Variants in HUNK observed in about 807,000 individuals in gnomAD.
HUNK encodes the protein hormonally up-regulated neu tumor-associated kinase.
HUNK carries 21 observed loss-of-function variants against 61.0 expected under a neutral mutation model. The observed-to-expected ratio is 0.34, with a 90% CI of 0.24 to 0.50. The LOEUF (loss-of-function observed/expected upper bound fraction) is 0.50, where lower values mean the gene tolerates loss of function less well. Ranked by LOEUF, HUNK falls within the 20% of genes least tolerant of loss-of-function variation. The pLI is 0.98. For synonymous variants in HUNK, 371 were observed against 386.1 expected (o/e 0.96, Z 0.46); for missense variants, 772 against 945.7 (o/e 0.82, Z 2.41).
At chr21:31,921,756 G>T (rs932837669) in intron 1 of HUNK, among the ~76,000 whole-genome samples, 1 of 152,124 alleles carries the variant, frequency 6.6e-6, no homozygotes, top group African/African-American at 2.4e-5. Flanking sequence ...TTATTGATTC[G>T]TTCACTATTT....
At chr21:31,995,173 A>G (rs1381263931) in intron 9 of HUNK, among the ~76,000 whole-genome samples, 2 of 151,812 alleles carry the variant, frequency 1.3e-5, no homozygotes, top group Non-Finnish European at 2.9e-5. Flanking sequence ...AAAAAAAAAA[A>G]AAAAAAAAGC....
At position 31,940,239 on chromosome 21, in the gene HUNK, T is replaced by TC; in HGVS notation, c.610+19_610+20insC. On this transcript the variant is annotated intron_variant, in intron 3 of 10. Transcript: ENST00000270112. ...CTGATTGGTATGACTTTTTTTTTTT[T>TC]TTAAGCAAAAGTATCTTTTAAGTGT... 1 of 1,524,114 alleles carries TC rather than the reference T, an allele frequency of 6.6e-7. No homozygotes were observed. The highest frequency in any genetic ancestry group is 9.0e-7 in the Non-Finnish European group (1 of 1,113,554). 94.4% of individuals were successfully genotyped at this position (1,524,114 alleles called of 1,614,324 possible). A position where few individuals can be genotyped will look rare whatever the true frequency, so the allele number is the denominator to read the frequency against.
chr21:31,976,193 G>A (rs958053975), intron 7 of HUNK, among the ~76,000 whole-genome samples: 27 of 152,176 alleles, frequency 1.8e-4, no homozygotes, highest in African/African-American at 6.3e-4. Flanking sequence ...CAGAGTCAAC[G>A]CTTTGAGTTA....
intron 2 of HUNK, among the ~76,000 whole-genome samples, chr21:31,926,687 TTTA>T (rs1463953871): frequency 1.3e-5 from 2 of 152,208 alleles, no homozygotes; most frequent in Non-Finnish European, 2.9e-5. Context: ...CTCCTTCCTT[TTTA>T]TGACTGCATA....
rs564685190 is a variant in HUNK, at chr21:31,903,222, C to T, written c.262-21246C>T. On this transcript the variant is annotated intron_variant, in intron 1 of 10. Transcript: ENST00000270112. ...AATAATAACTCCAATCACAGCTACC[C>T]CTCCACCACAAATCAAAAAAGATAT... Among the ~76,000 whole-genome samples the T allele has an allele frequency of 5.3e-5, 8 of 151,994 alleles. No homozygotes were observed. In the East Asian group the frequency reaches 9.7e-4, roughly 18 times the overall value.
chr21:31,965,663 G>A (rs985980961), intron 5 of HUNK, among the ~76,000 whole-genome samples: 5 of 147,328 alleles, frequency 3.4e-5, no homozygotes, highest in East Asian at 2.0e-4. Flanking sequence ...GTGCAATGGC[G>A]TGATCTCAGC....
chr21:31,986,195 T>C (rs2053131604), intron 8 of HUNK, among the ~76,000 whole-genome samples: 2 of 151,618 alleles, frequency 1.3e-5, no homozygotes, highest in African/African-American at 4.9e-5. Context: ...TGAACCAGAC[T>C]CTCCCCCCGC....
Position 31,983,538 on chromosome 21 carries a change from C to T in HUNK, c.1186C>T (p.Gln396Ter). 6.2e-7 allele frequency: 1 copy of T among 1,613,600 alleles called. No homozygotes were observed. Among genetic ancestry groups the T allele is most frequent in the Non-Finnish European group, 8.5e-7 (1 of 1,179,734 alleles). ...TCTCCTCTGGTAGAAATCTGACATCCAGGACAGCCTCTGCTACAAGACCCG... is the reference window on the plus strand; with the variant it reads ...TCTCCTCTGGTAGAAATCTGACATCTAGGACAGCCTCTGCTACAAGACCCG... ...ERYLSGKSDI[Q>*]DSLCYKTRLY... The change falls in exon 8 of 11, where the codon CAG (glutamine) becomes TAG (stop). Residue 396 changes from glutamine to a stop codon, truncating the protein, a stop_gained. Coordinates refer to ENST00000270112, the MANE Select transcript of HUNK (RefSeq NM_014586.2). LOFTEE classifies it high-confidence loss of function.
intron 5 of HUNK, 58 bp from the exon 6 acceptor site, chr21:31,968,192 C>T: frequency 1.2e-6 from 2 of 1,606,846 alleles, no homozygotes; most frequent in South Asian, 1.1e-5. Context: ...TGGTGGCTTT[C>T]ACTGGTGTCT....
At chr21:31,921,154 C>CAAAAA (rs751938845) in intron 1 of HUNK, among the ~76,000 whole-genome samples, 10 of 39,392 alleles carry the variant, frequency 2.5e-4, no homozygotes, top group Admixed American at 4.6e-4. Flanking sequence ...GATTCCATCT[C>CAAAAA]AAAAAAAAAA....
chr21:31,973,572 A>G (rs955049281), intron 6 of HUNK, among the ~76,000 whole-genome samples: 6 of 140,330 alleles, frequency 4.3e-5, no homozygotes, highest in Non-Finnish European at 9.5e-5. Flanking sequence ...GATGATGGTG[A>G]TGGTGGTGGT....
At chr21:31,949,797 C>G (rs2052836581) in intron 4 of HUNK, among the ~76,000 whole-genome samples, 1 of 152,156 alleles carries the variant, frequency 6.6e-6, no homozygotes, top group Non-Finnish European at 1.5e-5. Context: ...CGCTTCCACT[C>G]ATGGTGGGAG....
chr21:31,997,873 C>G (rs9974265), intron 10 of HUNK, among the ~76,000 whole-genome samples: 14,419 of 152,068 alleles, frequency 0.095, 957 homozygotes, highest in Non-Finnish European at 0.15. Context: ...AGTGCATGTA[C>G]CTTTTTTATT....
intron 6 of HUNK, among the ~76,000 whole-genome samples, chr21:31,969,470 C>G (rs73354639): frequency 0.014 from 2,086 of 152,306 alleles, 50 homozygotes; most frequent in African/African-American, 0.048. Flanking sequence ...AGCTTGCAGA[C>G]AGGAACCCAC....
At chr21:31,953,928 G>A (rs1185649935) in intron 4 of HUNK, among the ~76,000 whole-genome samples, 5 of 152,148 alleles carry the variant, frequency 3.3e-5, no homozygotes, top group Admixed American at 3.3e-4. Flanking sequence ...GATGGCTCTG[G>A]CGCCATCTTG....
At chr21:31,949,847 G>A (rs2052837034) in intron 4 of HUNK, among the ~76,000 whole-genome samples, 1 of 152,188 alleles carries the variant, frequency 6.6e-6, no homozygotes, top group African/African-American at 2.4e-5. Flanking sequence ...CATGGTGGGA[G>A]AGGAAGCAAG....
chr21:31,975,730 C>G (rs1414416916), intron 7 of HUNK, among the ~76,000 whole-genome samples: 1 of 152,120 alleles, frequency 6.6e-6, no homozygotes, highest in African/African-American at 2.4e-5. Context: ...GCTTAGAAAC[C>G]TTTTTGAGGT....
intron 3 of HUNK, among the ~76,000 whole-genome samples, chr21:31,941,996 G>A (rs766536501): frequency 1.3e-5 from 2 of 152,192 alleles, no homozygotes; most frequent in Non-Finnish European, 2.9e-5. Context: ...TGGATCACAA[G>A]GTCAGGAGTT....
intron 1 of HUNK, among the ~76,000 whole-genome samples, chr21:31,888,514 A>G (rs1184015322): frequency 1.3e-5 from 2 of 152,186 alleles, no homozygotes; most frequent in Admixed American, 1.3e-4. Context: ...AGGCGGGCAG[A>G]TCACTTGAGG....
Sources: allele counts gnomAD v4.1 joint callset (sites outside exome capture counted in the v4.1 genomes callset), GRCh38; gene constraint gnomAD v4.1.1; transcripts MANE v1.5; gene names NCBI Gene and HGNC (gene_info 2026-07-23, HGNC 2026-07-21).